The following FOXP1 variants were observed in gnomAD, a reference collection of about 807,000 sequenced individuals.
FOXP1 encodes the protein forkhead box P1, also known as forkhead box protein P1.
In FOXP1, 15 loss-of-function variants were observed where a neutral mutation model predicts 98.2. The ratio of observed to expected loss-of-function variants is 0.15; its 90% CI spans 0.10 to 0.24. The LOEUF is 0.24. FOXP1 is among the 10% of genes least tolerant of loss of function. The pLI is 1.00. For missense variants in FOXP1, 633 were observed against 848.5 expected (o/e 0.75, Z 3.15); for synonymous variants, 371 against 314.5 (o/e 1.18, Z -1.90).
chr3:71,580,778 A>G, intron 2 of FOXP1: 1 of 985,190 alleles, frequency 1.0e-6, no homozygotes, highest in Non-Finnish European at 1.2e-6. Flanking sequence ...TTCTCAACTC[A>G]GCTATTGTCC....
intron 4 of FOXP1, among the ~76,000 whole-genome samples, chr3:71,347,506 A>G (rs1447932133): frequency 6.6e-6 from 1 of 152,196 alleles, no homozygotes; most frequent in Admixed American, 6.5e-5. Flanking sequence ...AGCACTGAAT[A>G]AAACTGAAGA....
intron 6 of FOXP1, among the ~76,000 whole-genome samples, chr3:71,143,384 G>A (rs1326192934): frequency 6.6e-6 from 1 of 152,190 alleles, no homozygotes; most frequent in Non-Finnish European, 1.5e-5. Flanking sequence ...TCAGCATGAG[G>A]TCCCTGGTGA....
intron 7 of FOXP1, among the ~76,000 whole-genome samples, chr3:71,094,364 C>G (rs1465150541): frequency 1.3e-5 from 2 of 150,064 alleles, no homozygotes; most frequent in East Asian, 3.9e-4. Flanking sequence ...ACTGCAAGCT[C>G]CGCCTCCCAG....
intron 3 of FOXP1, among the ~76,000 whole-genome samples, chr3:71,391,923 T>C (rs1220582612): frequency 2.6e-5 from 4 of 152,126 alleles, no homozygotes; most frequent in Non-Finnish European, 4.4e-5. Flanking sequence ...CGTTCAGGGG[T>C]ACAGGGTAAA....
intron 7 of FOXP1, among the ~76,000 whole-genome samples, chr3:71,111,326 A>C (rs762665151): frequency 1.3e-5 from 2 of 152,188 alleles, no homozygotes; most frequent in Non-Finnish European, 2.9e-5. Context: ...CGTGAGCATG[A>C]AGACCCTGAT....
chr3:71,412,419 G>A (rs2082823975), intron 3 of FOXP1, among the ~76,000 whole-genome samples: 1 of 152,136 alleles, frequency 6.6e-6, no homozygotes, highest in Admixed American at 6.5e-5. Context: ...GGCCCCCAAC[G>A]CTGCTTCTCC....
chr3:71,210,441 C>T (rs974802448), intron 5 of FOXP1, among the ~76,000 whole-genome samples: 1 of 152,170 alleles, frequency 6.6e-6, no homozygotes, highest in Non-Finnish European at 1.5e-5. Context: ...TTCCACTGAG[C>T]ATTCAGTGCC....
intron 6 of FOXP1, chr3:71,197,848 A>C: frequency 6.2e-7 from 1 of 1,605,172 alleles, no homozygotes; most frequent in Non-Finnish European, 8.5e-7. Flanking sequence ...TTTTTCGTTT[A>C]ATTTTTATTT....
intron 7 of FOXP1, among the ~76,000 whole-genome samples, chr3:71,064,596 G>A (rs959123559): frequency 2.6e-5 from 4 of 151,530 alleles, no homozygotes; most frequent in African/African-American, 9.8e-5. Context: ...AGGACCCACA[G>A]GCCTGCAGCT....
rs959884782 is a variant in FOXP1, at chr3:70,957,989, G to GTT, written c.*1256_*1257dup. 4.5e-4 allele frequency: 97 copies of GTT among 214,134 alleles called. No homozygotes were observed. The highest frequency in any genetic ancestry group is 1.4e-3 in the South Asian group (9 of 6,356). 13.3% of individuals were successfully genotyped at this position (214,134 alleles called of 1,614,324 possible). ...TCAGGGCAGCTGCTCGGGGAAGCCG[G>GTT]TTTTTTTTTTTGGCCATTTTGCAAA... On this transcript the variant is annotated 3_prime_UTR_variant, in exon 21 of 21. Coordinates refer to ENST00000649528, the MANE Select transcript of FOXP1 (RefSeq NM_001349338.3).
At chr3:71,416,159 C>G (rs1255724628) in intron 3 of FOXP1, among the ~76,000 whole-genome samples, 4 of 152,030 alleles carry the variant, frequency 2.6e-5, no homozygotes, top group Admixed American at 6.6e-5. Context: ...AAAATAGAAA[C>G]AAAGATGTGT....
intron 2 of FOXP1, chr3:71,572,572 T>C (rs536075574): frequency 6.6e-6 from 1 of 152,308 alleles, no homozygotes; most frequent in South Asian, 2.1e-4. Context: ...AGAACAAACC[T>C]TGAACGTGCA....
chr3:71,396,955 T>TATATATATACAC (rs1454869045), intron 3 of FOXP1, among the ~76,000 whole-genome samples: 7 of 51,926 alleles, frequency 1.3e-4, no homozygotes, highest in Non-Finnish European at 1.8e-4. Context: ...TATGTGTATA[T>TATATATATACAC]ATATATATGT....
intron 5 of FOXP1, among the ~76,000 whole-genome samples, chr3:71,231,400 A>C (rs2066274061): frequency 2.0e-5 from 3 of 152,198 alleles, no homozygotes; most frequent in Admixed American, 2.0e-4. Context: ...TGATGCTACA[A>C]ATAAGACAGA....
chr3:71,180,216 C>T (rs2062205343), intron 6 of FOXP1, among the ~76,000 whole-genome samples: 1 of 151,920 alleles, frequency 6.6e-6, no homozygotes, highest in African/African-American at 2.4e-5. Flanking sequence ...TTAGAAACTT[C>T]CTCAGCCTTC....
chr3:71,573,100 C>A (rs2107817400), intron 2 of FOXP1, among the ~76,000 whole-genome samples: 1 of 152,258 alleles, frequency 6.6e-6, no homozygotes, highest in South Asian at 2.1e-4. Context: ...TTTTTAACCT[C>A]AGGAGTCTGC....
intron 3 of FOXP1, among the ~76,000 whole-genome samples, chr3:71,446,034 T>C (rs925347377): frequency 1.6e-5 from 2 of 123,578 alleles, no homozygotes; most frequent in Non-Finnish European, 3.5e-5. Context: ...AAACAACTCA[T>C]AGGTGAGTGA....
At chr3:70,991,384 G>A (rs1575939561) in intron 13 of FOXP1, among the ~76,000 whole-genome samples, 1 of 152,150 alleles carries the variant, frequency 6.6e-6, no homozygotes, top group Admixed American at 6.5e-5. Flanking sequence ...GGCTGTGAAA[G>A]ATCAGAATTT....
At chr3:71,538,007 C>T (rs1490661341) in intron 2 of FOXP1, among the ~76,000 whole-genome samples, 1 of 152,166 alleles carries the variant, frequency 6.6e-6, no homozygotes, top group Non-Finnish European at 1.5e-5. Flanking sequence ...AATGGCAAAA[C>T]TAAGAGAGCT....
Sources: allele counts gnomAD v4.1 joint callset (sites outside exome capture counted in the v4.1 genomes callset), GRCh38; gene constraint gnomAD v4.1.1; transcripts MANE v1.5; gene names NCBI Gene and HGNC (gene_info 2026-07-23, HGNC 2026-07-21).